The following MAPK10 variants were observed in gnomAD, a reference collection of about 807,000 sequenced individuals.
MAPK10 encodes JNK3 alpha protein kinase.
A neutral mutation model predicts 59.3 loss-of-function variants in MAPK10; 25 were observed. The observed-to-expected ratio is 0.42, with a 90% CI of 0.31 to 0.59. MAPK10 has a LOEUF of 0.59. MAPK10 is among the 20% of genes least tolerant of loss of function. The pLI, the probability that MAPK10 is intolerant of heterozygous loss-of-function variation, is 0.15. For missense variants in MAPK10, 351 were observed against 568.9 expected (o/e 0.62, Z 3.90); for synonymous variants, 190 against 200.5 (o/e 0.95, Z 0.44).
intron 2 of MAPK10, among the ~76,000 whole-genome samples, chr4:86,284,714 CT>C: frequency 6.6e-6 from 1 of 152,170 alleles, no homozygotes; most frequent in African/African-American, 2.4e-5. Context: ...ATTATTGTTG[CT>C]GTTGTCATCA....
intron 1 of MAPK10, among the ~76,000 whole-genome samples, chr4:86,585,127 G>A (rs1489368812): frequency 1.3e-5 from 2 of 152,130 alleles, no homozygotes; most frequent in East Asian, 3.8e-4. Flanking sequence ...TTGATTAAAG[G>A]CAGTAGAGTT....
At chr4:86,527,351 G>GACATGAAC (rs1647838773) in intron 1 of MAPK10, among the ~76,000 whole-genome samples, 1 of 110,702 alleles carries the variant, frequency 9.0e-6, no homozygotes, top group Admixed American at 1.0e-4. Flanking sequence ...GTAGGCAAAG[G>GACATGAAC]ACATGAACAG....
At position 86,107,307 on chromosome 4, in the gene MAPK10, C is replaced by A; in HGVS notation, c.282G>T (p.Lys94Asn). The A allele has an allele frequency of 6.2e-7, 1 of 1,613,268 alleles. No individual in the cohort carries two copies. Among genetic ancestry groups the A allele is most frequent in the Non-Finnish European group, 8.5e-7 (1 of 1,179,486 alleles). The change falls in exon 5 of 14, where the codon AAG becomes AAT. Residue 94 changes from lysine (K) to asparagine (N), a missense_variant. Physicochemically the swap from Lys to Asn is moderately conservative, Grantham distance 94. Transcript: ENST00000641462. ...AVLDRNVAIKKLSRPFQNQTH... is the reference protein window; with the variant it reads ...AVLDRNVAIKNLSRPFQNQTH... ...TTTGGTTCTGAAAGGGTCTGCTGAG[C>A]TTCTTAATGGCCACATTTCTGTCAA...
chr4:86,450,583 G>C (rs1470266230), intron 1 of MAPK10, among the ~76,000 whole-genome samples: 6 of 152,196 alleles, frequency 3.9e-5, no homozygotes, highest in South Asian at 2.1e-4. Flanking sequence ...GTTACCCCTA[G>C]GGTATGAATT....
intron 1 of MAPK10, among the ~76,000 whole-genome samples, chr4:86,384,688 GC>G (rs1454577900): frequency 2.6e-5 from 4 of 152,316 alleles, no homozygotes; most frequent in Admixed American, 2.6e-4. Context: ...CTCAGAATAT[GC>G]TTTCAATGTG....
At chr4:86,550,653 A>C (rs1002680608) in intron 1 of MAPK10, among the ~76,000 whole-genome samples, 3 of 152,338 alleles carry the variant, frequency 2.0e-5, no homozygotes, top group African/African-American at 4.8e-5. Flanking sequence ...CAGTGAGCCA[A>C]GATCATGCCA....
At chr4:86,546,103 G>C (rs1404146961) in intron 1 of MAPK10, among the ~76,000 whole-genome samples, 1 of 152,074 alleles carries the variant, frequency 6.6e-6, no homozygotes, top group Non-Finnish European at 1.5e-5. Flanking sequence ...GGTGCCTATA[G>C]TCCCAGCTAC....
intron 1 of MAPK10, among the ~76,000 whole-genome samples, chr4:86,389,056 G>A (rs1741863248): frequency 6.6e-6 from 1 of 152,170 alleles, no homozygotes; most frequent in South Asian, 2.1e-4. Flanking sequence ...CAGTGTTGGA[G>A]GTGGGACCTG....
chr4:86,096,699 C>A (rs1459869385), intron 9 of MAPK10, among the ~76,000 whole-genome samples: 1 of 151,888 alleles, frequency 6.6e-6, no homozygotes, highest in Non-Finnish European at 1.5e-5. Context: ...GAAAATAATT[C>A]CTACTTTTGA....
At chr4:86,044,369 G>A (rs1476476100) in intron 11 of MAPK10, among the ~76,000 whole-genome samples, 3 of 152,028 alleles carry the variant, frequency 2.0e-5, no homozygotes, top group Non-Finnish European at 4.4e-5. Flanking sequence ...ATTGTTCTGG[G>A]GTGAGGCCTT....
At chr4:86,086,609 T>C (rs898150991) in intron 9 of MAPK10, among the ~76,000 whole-genome samples, 26 of 152,094 alleles carry the variant, frequency 1.7e-4, no homozygotes, top group African/African-American at 5.8e-4. Flanking sequence ...AAATCATTGT[T>C]TTGAGAATGC....
In MAPK10 at chr4:86,101,957, A is replaced by G. The variant is rs1650784168; in HGVS notation, c.501T>C (p.Ser167=). 1 of 1,614,048 alleles carries G rather than the reference A, an allele frequency of 6.2e-7. No homozygotes were observed. The highest frequency in any genetic ancestry group is 8.5e-7 in the Non-Finnish European group (1 of 1,179,914). The stretch of plus-strand genomic sequence containing the variant: ...CACACAACATTTGGTACAGCAGGTA[A>G]GACATTCGCTCATGGTCTAATTCCA... The part of the protein sequence containing the change: ...IQMELDHERM[S]YLLYQMLCGI... The change falls in exon 7 of 14, where the codon TCT becomes TCC. Residue 167 remains serine, a synonymous_variant. Coordinates refer to ENST00000641462, the MANE Select transcript of MAPK10 (RefSeq NM_138982.4).
chr4:86,586,739 T>C (rs534153364), intron 1 of MAPK10, among the ~76,000 whole-genome samples: 1 of 152,330 alleles, frequency 6.6e-6, no homozygotes, highest in East Asian at 1.9e-4. Context: ...GTTGCTTTTA[T>C]GGTGTAGCCA....
chr4:86,308,587 T>C (rs1017532532), intron 2 of MAPK10: 2 of 152,218 alleles, frequency 1.3e-5, no homozygotes, highest in Non-Finnish European at 2.9e-5. Flanking sequence ...ATGTGTTTCA[T>C]GACATGATTT....
chr4:86,424,719 TAATCATGAGGGA>T (rs1290273437), intron 1 of MAPK10, among the ~76,000 whole-genome samples: 6 of 152,082 alleles, frequency 3.9e-5, no homozygotes, highest in Non-Finnish European at 1.5e-5. Context: ...GAGGGTAGCA[TAATCATGAGGGA>T]AATCATGAGG....
At chr4:86,276,290 C>G (rs2094573086) in intron 2 of MAPK10, among the ~76,000 whole-genome samples, 1 of 152,078 alleles carries the variant, frequency 6.6e-6, no homozygotes, top group Admixed American at 6.6e-5. Context: ...TGACCACTAG[C>G]TGTTTCAAAT....
intron 2 of MAPK10, among the ~76,000 whole-genome samples, chr4:86,196,739 A>G (rs191830534): frequency 8.7e-4 from 132 of 152,282 alleles, no homozygotes; most frequent in Admixed American, 3.5e-3. Flanking sequence ...TTTTTGTAGA[A>G]GGTGTAAGGA....
At chr4:86,158,720 T>C (rs1190761505) in intron 4 of MAPK10, among the ~76,000 whole-genome samples, 1 of 151,870 alleles carries the variant, frequency 6.6e-6, no homozygotes, top group Non-Finnish European at 1.5e-5. Context: ...GTAAATCAGA[T>C]CTAGATTTGT....
intron 4 of MAPK10, among the ~76,000 whole-genome samples, chr4:86,142,201 G>A (rs952935907): frequency 1.3e-5 from 2 of 152,060 alleles, no homozygotes; most frequent in Non-Finnish European, 2.9e-5. Flanking sequence ...AGTTTTGGTG[G>A]GAAAAACAAA....
Sources: allele counts gnomAD v4.1 joint callset (sites outside exome capture counted in the v4.1 genomes callset), GRCh38; gene constraint gnomAD v4.1.1; transcripts MANE v1.5; gene names NCBI Gene and HGNC (gene_info 2026-07-23, HGNC 2026-07-21).